The following KMT5B variants were observed in gnomAD, a reference collection of about 807,000 sequenced individuals.
KMT5B encodes lysine methyltransferase 5B, also known as histone-lysine N-methyltransferase KMT5B.
In KMT5B, 10 loss-of-function variants were observed where a neutral mutation model predicts 83.2. That is an observed-to-expected ratio of 0.12 (90% CI 0.07 to 0.20). KMT5B has a LOEUF of 0.20. KMT5B is among the 10% of genes least tolerant of loss of function. The probability of loss-of-function intolerance (pLI) is 1.00; values close to 1 mark genes in which losing one functional copy is unlikely to be tolerated. For synonymous variants in KMT5B, 349 were observed against 388.8 expected (o/e 0.90, Z 1.20); for missense variants, 753 against 1,067.2 (o/e 0.71, Z 4.10).
chr11:68,165,720 T>C, intron 10 of KMT5B: 1 of 1,390,260 alleles, frequency 7.2e-7, no homozygotes, highest in Non-Finnish European at 9.3e-7. Flanking sequence ...AAACAAATGG[T>C]CGTTATGCTG....
In KMT5B at chr11:68,158,189, A is replaced by C. The variant is rs1590913773; in HGVS notation, c.2157T>G (p.Thr719=). Residue 719 remains threonine (T), a synonymous_variant, in exon 11 of 11, where the codon ACT becomes ACG. Transcript: ENST00000304363. The part of the protein sequence containing the change: ...LENNSGIPKL[T]LRRRHDSSSK... Reference sequence around the variant, plus strand: ...TGCTGCTATCATGACGCCTACGAAGAGTCAATTTGGGAATCCCAGAGTTAT... The same window carrying C: ...TGCTGCTATCATGACGCCTACGAAGCGTCAATTTGGGAATCCCAGAGTTAT... 6.2e-7 allele frequency: 1 copy of C among 1,614,132 alleles called. No individual in the cohort carries two copies. Among genetic ancestry groups the C allele is most frequent in the East Asian group, 2.2e-5 (1 of 44,884 alleles).
chr11:68,195,805 T>C (rs1320360311), intron 1 of KMT5B, among the ~76,000 whole-genome samples: 1 of 152,236 alleles, frequency 6.6e-6, no homozygotes, highest in Non-Finnish European at 1.5e-5. Context: ...GCATCCCACA[T>C]AGTAAGTTTT....
intron 9 of KMT5B, among the ~76,000 whole-genome samples, chr11:68,170,605 T>A (rs982518901): frequency 1.3e-5 from 2 of 152,190 alleles, no homozygotes; most frequent in Admixed American, 1.3e-4. Flanking sequence ...TCTTAAGAAC[T>A]GTGAAACCAA....
intron 3 of KMT5B, among the ~76,000 whole-genome samples, chr11:68,183,321 A>G (rs74996158): frequency 0.01 from 1,539 of 152,182 alleles, 9 homozygotes; most frequent in Non-Finnish European, 0.017. Context: ...ATGGGCAAAA[A>G]AAAAGAAAAG....
At position 68,154,930 on chromosome 11, in the gene KMT5B, G is replaced by C. The variant is rs1859191688; in HGVS notation, c.*2758C>G. On this transcript the variant is annotated 3_prime_UTR_variant, in exon 11 of 11. Transcript: ENST00000304363. Reference sequence around the variant, plus strand: ...CTGCAAGTGCATGTACAAAATATTTGTAAAAAATGTTTTTAATGAAACGTT... The same window carrying C: ...CTGCAAGTGCATGTACAAAATATTTCTAAAAAATGTTTTTAATGAAACGTT... 1 of 151,802 alleles carries C rather than the reference G, an allele frequency of 6.6e-6. No individual in the cohort carries two copies. Among genetic ancestry groups the C allele is most frequent in the African/African-American group, 2.4e-5 (1 of 41,296 alleles). The allele number at this position is 151,802 out of a possible 1,614,324, so 9.4% of individuals were successfully genotyped here.
chr11:68,182,650 CAGT>C (rs1262612731), intron 3 of KMT5B, among the ~76,000 whole-genome samples: 1 of 151,086 alleles, frequency 6.6e-6, no homozygotes. Flanking sequence ...TTGAAGATGC[CAGT>C]AACAGGCAGC....
At position 68,200,760 on chromosome 11, in the gene KMT5B, G is replaced by A. The variant is rs571210085; in HGVS notation, c.-76-10608C>T. Among the ~76,000 whole-genome samples the A allele has an allele frequency of 6.6e-5, 10 of 152,320 alleles. No individual in the cohort carries two copies. The East Asian group carries it at 1.3e-3, about 21-fold the overall frequency. ...ATACAGATGATCTGAGTAGGAAAAC[G>A]AAGTGGAATTCCTGAGGACTACTGT... On this transcript the variant is annotated intron_variant, in intron 1 of 10. Coordinates refer to ENST00000304363, the MANE Select transcript of KMT5B (RefSeq NM_017635.5).
At chr11:68,159,907 T>C (rs1428760447) in intron 10 of KMT5B, among the ~76,000 whole-genome samples, 1 of 152,228 alleles carries the variant, frequency 6.6e-6, no homozygotes, top group African/African-American at 2.4e-5. Flanking sequence ...TGAAGGAAGA[T>C]GCACGCTGCT....
rs145782213 is a variant in KMT5B, at chr11:68,158,840, G to A, written c.1506C>T (p.Ala502=). The A allele has an allele frequency of 3.4e-4, 546 of 1,614,112 alleles. No individual in the cohort carries two copies. The highest frequency in any genetic ancestry group is 4.1e-4 in the Non-Finnish European group (489 of 1,180,040). The change falls in exon 11 of 11, where the codon GCC becomes GCT. Residue 502 remains alanine, a synonymous_variant. Transcript: ENST00000304363. ...TAGTCAAGCACCCGCTGGCAACTGC[G>A]GCTTGGGCTGGTCCCTCTGGCTCCT... ...KDKEPEGPAQ[A]AVASGCLTRH... is the part of the protein sequence containing the mutation.
chr11:68,204,730 C>T (rs1230769066), intron 1 of KMT5B, among the ~76,000 whole-genome samples: 1 of 149,934 alleles, frequency 6.7e-6, no homozygotes, highest in Non-Finnish European at 1.5e-5. Context: ...ATTTCTCCTG[C>T]CTCAGCCTCC....
intron 1 of KMT5B, among the ~76,000 whole-genome samples, 189 bp from the exon 2 acceptor site, chr11:68,190,341 T>C (rs552273478): frequency 6.6e-6 from 1 of 152,260 alleles, no homozygotes; most frequent in Non-Finnish European, 1.5e-5. Context: ...GAGCTGGACA[T>C]ACACTTCATA....
rs755802352 is a variant in KMT5B, at chr11:68,171,878, A to G, written c.654-169T>C. On this transcript the variant is annotated intron_variant, in intron 6 of 10. Coordinates refer to ENST00000304363, the MANE Select transcript of KMT5B (RefSeq NM_017635.5). The surrounding 1 kb of genome is among the most constrained non-coding windows in gnomAD (Gnocchi z 5.1). ...CTGGCTATCTTCTCTCCTACCCTGG[A>G]GCTCCACAGCCTTGTGCCATGGTTA... Among the ~76,000 whole-genome samples the G allele has an allele frequency of 1.4e-4, 22 of 152,134 alleles. No individual in the cohort carries two copies. Among genetic ancestry groups the G allele is most frequent in the Non-Finnish European group, 2.6e-4 (18 of 68,024 alleles).
In KMT5B at chr11:68,193,566, G is replaced by T. The variant is rs1858346816; in HGVS notation, c.-76-3414C>A. 4.6e-5 allele frequency among the ~76,000 whole-genome samples: 7 copies of T among 151,608 alleles called. No homozygotes were observed. In the South Asian group the frequency reaches 1.5e-3, roughly 31 times the overall value. On this transcript the variant is annotated intron_variant, in intron 1 of 10. Transcript: ENST00000304363. ...CAACTTTACAATTGTTTTCTAACAT[G>T]AATTTTTTTTCTGGTTCCCTTACTA...
rs1858462679 is a variant in KMT5B at position 68,194,371 on chromosome 11, T to G, written c.-76-4219A>C. On this transcript the variant is annotated intron_variant, in intron 1 of 10. Coordinates refer to ENST00000304363, the MANE Select transcript of KMT5B (RefSeq NM_017635.5). Reference sequence around the variant, plus strand: ...CATGCCCGCCTAATTTTTGTATTTTTTAGTAGAGACAGAGTTTCACCATGT... The same window carrying G: ...CATGCCCGCCTAATTTTTGTATTTTGTAGTAGAGACAGAGTTTCACCATGT... Among the ~76,000 whole-genome samples, 6 of 152,100 alleles carry G rather than the reference T, an allele frequency of 3.9e-5. No homozygotes were observed. In the South Asian group the frequency reaches 1.2e-3, roughly 32 times the overall value.
intron 1 of KMT5B, among the ~76,000 whole-genome samples, chr11:68,197,444 G>A (rs1858861436): frequency 6.6e-6 from 1 of 152,046 alleles, no homozygotes; most frequent in South Asian, 2.1e-4. Context: ...GCAAAGAATA[G>A]ATACAAAATT....
At chr11:68,175,541 C>G (rs1232652010) in intron 4 of KMT5B, among the ~76,000 whole-genome samples, 1 of 152,156 alleles carries the variant, frequency 6.6e-6, no homozygotes, top group African/African-American at 2.4e-5. Context: ...TTCAGACTTA[C>G]ACTAGTCGTC....
chr11:68,200,010 GTCT>G (rs759819944), intron 1 of KMT5B, among the ~76,000 whole-genome samples: 38 of 152,150 alleles, frequency 2.5e-4, no homozygotes, highest in Non-Finnish European at 4.7e-4. Context: ...CTTTTTGGGG[GTCT>G]TTTTTGGTTT....
chr11:68,194,576 AG>A (rs1858491092), intron 1 of KMT5B, among the ~76,000 whole-genome samples: 1 of 152,228 alleles, frequency 6.6e-6, no homozygotes, highest in Non-Finnish European at 1.5e-5. Context: ...GATCTTTAAA[AG>A]CTTCAAGGTT....
chr11:68,161,882 C>A (rs1854900382), intron 10 of KMT5B, among the ~76,000 whole-genome samples: 1 of 152,182 alleles, frequency 6.6e-6, no homozygotes, highest in Non-Finnish European at 1.5e-5. Flanking sequence ...GCCAGACCCG[C>A]TCCTAACTTA....
Sources: gnomAD v4.1 joint callset for allele counts (sites outside exome capture counted in the v4.1 genomes callset) on GRCh38, gnomAD v4.1.1 for gene constraint, Gnocchi (gnomAD v3.1) non-coding constraint, MANE v1.5 for transcripts, NCBI Gene and HGNC (gene_info 2026-07-23, HGNC 2026-07-21) for gene names.